The following MGAT5 variants were observed in gnomAD, a reference collection of about 807,000 sequenced individuals.
The protein encoded by MGAT5 is alpha-1,6-mannosylglycoprotein 6-beta-N-acetylglucosaminyltransferase.
MGAT5 carries 30 observed loss-of-function variants against 94.3 expected under a neutral mutation model. The observed-to-expected ratio is 0.32, with a 90% CI of 0.24 to 0.43. The LOEUF (loss-of-function observed/expected upper bound fraction) is 0.43. Among genes scored for constraint, MGAT5 ranks in the 20% least tolerant of loss-of-function variants. The pLI is 1.00. For missense variants in MGAT5, 691 were observed against 905.5 expected, an observed-to-expected ratio of 0.76 and a Z score of 3.04; for synonymous variants, 310 against 322.9, an observed-to-expected ratio of 0.96 and a Z score of 0.43.
At chr2:134,313,037 A>AACACACAC (rs201311442) in intron 2 of MGAT5, among the ~76,000 whole-genome samples, 40 of 139,298 alleles carry the variant, frequency 2.9e-4, no homozygotes, top group Middle Eastern at 3.6e-3. Context: ...GCAAGAAATA[A>AACACACAC]ACACACACAC....
chr2:134,292,403 C>T (rs528486745), intron 2 of MGAT5, among the ~76,000 whole-genome samples: 3 of 152,216 alleles, frequency 2.0e-5, no homozygotes, highest in East Asian at 1.9e-4. Flanking sequence ...TGGTTTGATT[C>T]GGGTCCCTCA....
intron 9 of MGAT5, among the ~76,000 whole-genome samples, chr2:134,354,663 T>C (rs969272094): frequency 4.6e-5 from 7 of 152,182 alleles, no homozygotes; most frequent in Admixed American, 4.6e-4. Context: ...TCAGGTGTTC[T>C]CTTTGCAGTT....
At chr2:134,294,586 C>G (rs184687763) in intron 2 of MGAT5, among the ~76,000 whole-genome samples, 264 of 152,270 alleles carry the variant, frequency 1.7e-3, no homozygotes, top group Middle Eastern at 6.8e-3. Context: ...CAAAGACTTT[C>G]CTCCCCGTCT....
chr2:134,190,693 G>A (rs1240958127), intron 1 of MGAT5, among the ~76,000 whole-genome samples: 1 of 152,154 alleles, frequency 6.6e-6, no homozygotes, highest in Non-Finnish European at 1.5e-5. Flanking sequence ...GCCCAGGCTG[G>A]AGTGCCGTGG....
chr2:134,418,585 T>A (rs963310633), intron 12 of MGAT5, among the ~76,000 whole-genome samples: 3 of 152,304 alleles, frequency 2.0e-5, no homozygotes, highest in Middle Eastern at 6.8e-3. Flanking sequence ...AAATCTGATA[T>A]GAAAGAGTTA....
rs1213417368 is a variant in MGAT5 at position 134,441,800 on chromosome 2, C to G, written c.1912C>G (p.Leu638Val). 6.2e-7 allele frequency: 1 copy of G among 1,614,122 alleles called. No homozygotes were observed. Among genetic ancestry groups the G allele is most frequent in the East Asian group, 2.2e-5 (1 of 44,872 alleles). Residue 638 changes from leucine to valine, a missense_variant, in exon 15 of 16, where the codon CTA becomes GTA. Coordinates refer to ENST00000281923, the MANE Select transcript of MGAT5 (RefSeq NM_002410.5). Reference protein sequence around the residue: ...GQVMWPPLSALQVKLAEPGQS... With the variant: ...GQVMWPPLSAVQVKLAEPGQS... ...AGTGATGTGGCCACCCCTCAGCGCC[C>G]TACAGGTCAAGCTTGCTGAGCCCGG... is the stretch of plus-strand genomic sequence containing the variant.
At chr2:134,353,218 A>G (rs1296155774) in intron 9 of MGAT5, among the ~76,000 whole-genome samples, 1 of 146,524 alleles carries the variant, frequency 6.8e-6, no homozygotes, top group Non-Finnish European at 1.5e-5. Flanking sequence ...TTCAAATAAA[A>G]AAGAAAAGCA....
intron 14 of MGAT5, among the ~76,000 whole-genome samples, chr2:134,436,419 C>T (rs1194002340): frequency 6.6e-6 from 1 of 152,184 alleles, no homozygotes; most frequent in Non-Finnish European, 1.5e-5. Context: ...AGACCATGCT[C>T]CTGGGGAGCA....
chr2:134,231,690 C>T (rs1681370223), intron 1 of MGAT5, among the ~76,000 whole-genome samples: 1 of 152,226 alleles, frequency 6.6e-6, no homozygotes, highest in Non-Finnish European at 1.5e-5. Flanking sequence ...CCCAGACCCT[C>T]TAGAACCTGT....
intron 14 of MGAT5, among the ~76,000 whole-genome samples, chr2:134,439,158 G>A (rs1476425057): frequency 1.3e-5 from 2 of 152,110 alleles, no homozygotes; most frequent in Admixed American, 1.3e-4. Flanking sequence ...TTCTCAGCAG[G>A]CAATGCCTTT....
At chr2:134,214,723 G>A (rs1680379199) in intron 1 of MGAT5, among the ~76,000 whole-genome samples, 1 of 152,084 alleles carries the variant, frequency 6.6e-6, no homozygotes, top group African/African-American at 2.4e-5. Context: ...GGTGGGGTGG[G>A]GAGGAACAAA....
intron 11 of MGAT5, among the ~76,000 whole-genome samples, chr2:134,411,338 T>C (rs563123693): frequency 2.8e-4 from 42 of 152,280 alleles, no homozygotes; most frequent in Admixed American, 8.5e-4. Context: ...TCTCTGGTGG[T>C]TCTGCTGCCC....
intron 10 of MGAT5, among the ~76,000 whole-genome samples, chr2:134,374,820 C>G (rs1446453847): frequency 6.6e-6 from 1 of 152,190 alleles, no homozygotes; most frequent in Non-Finnish European, 1.5e-5. Flanking sequence ...TGGCGAAACC[C>G]TATCTCTTCT....
chr2:134,330,275 GC>G (rs1558796096), intron 4 of MGAT5, among the ~76,000 whole-genome samples: 4 of 152,080 alleles, frequency 2.6e-5, no homozygotes. Context: ...AAAATTACAT[GC>G]CTAGTTATTT....
intron 10 of MGAT5, among the ~76,000 whole-genome samples, chr2:134,369,119 G>A (rs762130153): frequency 5.9e-5 from 9 of 152,204 alleles, no homozygotes; most frequent in East Asian, 5.8e-4. Context: ...TGCCTGGCAC[G>A]TGGTAGGCAC....
intron 10 of MGAT5, among the ~76,000 whole-genome samples, chr2:134,365,137 T>C (rs1680343613): frequency 6.6e-6 from 1 of 152,154 alleles, no homozygotes; most frequent in African/African-American, 2.4e-5. Context: ...GAGGGCACAA[T>C]TTGGACCAGA....
Position 134,215,395 on chromosome 2 carries a change from G to A in MGAT5, c.-142-38867G>A, listed in dbSNP as rs775282137. ...GTTTTTTTAGCTCACAGTTCTGGAG[G>A]CTGGGAAGTTCAAGACTGGGTGGCT... On this transcript the variant is annotated intron_variant, in intron 1 of 16. Transcript: ENST00000409645. Among the ~76,000 whole-genome samples the A allele has an allele frequency of 2.0e-5, 3 of 152,202 alleles. 1 individual carries two copies.
chr2:134,313,083 CACACACACAT>C (rs766465481), intron 2 of MGAT5, among the ~76,000 whole-genome samples: 2,502 of 78,494 alleles, frequency 0.032, 41 homozygotes, highest in African/African-American at 0.067. Flanking sequence ...CACACACACA[CACACACACAT>C]ATCTGTCTGG....
intron 2 of MGAT5, among the ~76,000 whole-genome samples, chr2:134,315,444 T>C (rs1204610606): frequency 3.8e-4 from 58 of 152,174 alleles, no homozygotes; most frequent in Non-Finnish European, 1.5e-5. Context: ...CATTGCAAAA[T>C]ACTATTCTTT....
Sources: allele counts gnomAD v4.1 joint callset (sites outside exome capture counted in the v4.1 genomes callset), GRCh38; gene constraint gnomAD v4.1.1; transcripts MANE v1.5; gene names NCBI Gene and HGNC (gene_info 2026-07-23, HGNC 2026-07-21).